The following ADGRA3 variants were observed in gnomAD, a reference collection of about 807,000 sequenced individuals.
ADGRA3 encodes the protein G-protein coupled receptor 125.
In ADGRA3, 56 loss-of-function variants were observed where a neutral mutation model predicts 119.8. That is an observed-to-expected ratio of 0.47 (90% CI 0.38 to 0.58). The LOEUF is 0.58. Among genes scored for constraint, ADGRA3 ranks in the 20% least tolerant of loss-of-function variants. The pLI is 0.00. For missense variants in ADGRA3, 1,516 were observed against 1,649.0 expected (o/e 0.92, Z 1.40); for synonymous variants, 607 against 623.8 (o/e 0.97, Z 0.40).
At position 22,466,416 on chromosome 4, in the gene ADGRA3, A is replaced by G. The variant is rs148795833; in HGVS notation, c.330-4608T>C. On this transcript the variant is annotated intron_variant, in intron 2 of 18. Transcript: ENST00000334304. ...TCCTTGAGGCCTTGGGTGAAACTCC[A>G]TTCCTTCCTCCAGAAAAATACCTGT... Among the ~76,000 whole-genome samples, 18 of 152,148 alleles carry G rather than the reference A, an allele frequency of 1.2e-4. No individual in the cohort carries two copies. In the East Asian group the frequency reaches 3.5e-3, roughly 29 times the overall value.
At chr4:22,513,605 G>C (rs902686459) in intron 1 of ADGRA3, among the ~76,000 whole-genome samples, 1 of 150,268 alleles carries the variant, frequency 6.7e-6, no homozygotes, top group Non-Finnish European at 1.5e-5. Context: ...TCCACCTCTC[G>C]GGTTCAAGTG....
At chr4:22,451,611 T>TAAA (rs200795126) in intron 4 of ADGRA3, among the ~76,000 whole-genome samples, 14 of 149,704 alleles carry the variant, frequency 9.4e-5, no homozygotes, top group African/African-American at 2.4e-4. Context: ...TTGTTTTTTC[T>TAAA]AAAAAAAAAA....
chr4:22,401,333 G>C (rs1051179511), intron 16 of ADGRA3, 98 bp downstream of exon 16: 4 of 1,068,654 alleles, frequency 3.7e-6, no homozygotes, highest in Non-Finnish European at 5.3e-6. Flanking sequence ...ATCAGTTAAA[G>C]AAAAGGTATT....
At chr4:22,419,624 A>T (rs1715568268) in intron 12 of ADGRA3, among the ~76,000 whole-genome samples, 1 of 152,178 alleles carries the variant, frequency 6.6e-6, no homozygotes, top group Non-Finnish European at 1.5e-5. Context: ...GTCATTTTTA[A>T]TCCCTTTCTA....
intron 10 of ADGRA3, among the ~76,000 whole-genome samples, chr4:22,425,465 C>T (rs1715892721): frequency 6.6e-6 from 1 of 152,226 alleles, no homozygotes; most frequent in South Asian, 2.1e-4. Context: ...TAAATTGAAC[C>T]GTCTAGGGCT....
chr4:22,388,556 T>C lies in ADGRA3; in HGVS notation c.3115A>G (p.Ser1039Gly). 1 of 1,614,012 alleles carries C rather than the reference T, an allele frequency of 6.2e-7. No individual in the cohort carries two copies. Among genetic ancestry groups the C allele is most frequent in the South Asian group, 1.1e-5 (1 of 91,068 alleles). Residue 1039 changes from serine to glycine, a missense_variant, in exon 19 of 19, where the codon AGT (serine) becomes GGT (glycine). By Grantham distance (56) the Ser-to-Gly change is moderately conservative. Coordinates refer to ENST00000334304, the MANE Select transcript of ADGRA3 (RefSeq NM_145290.4). Reference protein sequence around the residue: ...FVFGATSLSFSAFFVVHHCVN... With the variant: ...FVFGATSLSFGAFFVVHHCVN... The stretch of plus-strand genomic sequence containing the variant: ...CAATGGTGGACCACGAAGAACGCAC[T>C]GAAGCTTAAACTTGTGGCTCCAAAA...
rs769240184 is a variant in ADGRA3 at position 22,473,783 on chromosome 4, G to A, written c.318C>T (p.Leu106=). 3 of 1,594,004 alleles carry A rather than the reference G, an allele frequency of 1.9e-6. No individual in the cohort carries two copies. Among genetic ancestry groups the A allele is most frequent in the Non-Finnish European group, 2.6e-6 (3 of 1,166,328 alleles). The part of the protein sequence containing the change: ...LKNGSFSGLS[L]LERLDLRNNL... Reference sequence around the variant, plus strand: ...TAAAGAATACTCACAATCTTTCAAGGAGACTTAACCCAGAAAATGAGCCAT... The same window carrying A: ...TAAAGAATACTCACAATCTTTCAAGAAGACTTAACCCAGAAAATGAGCCAT... The change falls in exon 2 of 19, where the codon CTC becomes CTT. Residue 106 remains leucine, a synonymous_variant. Transcript: ENST00000334304.
At position 22,515,529 on chromosome 4, in the gene ADGRA3, G is replaced by C; in HGVS notation, c.256C>G (p.Leu86Val). 6.3e-7 allele frequency: 1 copy of C among 1,593,254 alleles called. No homozygotes were observed. The highest frequency in any genetic ancestry group is 1.3e-5 in the African/African-American group (1 of 74,270). The change falls in exon 1 of 19, where the codon CTG becomes GTG. Residue 86 changes from leucine to valine, a missense_variant and splice_region_variant. Around this residue, in one of 2 missense-constraint regions of ADGRA3, gnomAD observed 428 missense variants for 541.9 expected, o/e 0.79. Transcript: ENST00000334304. ...CCCAGCGTCGCGGGAGATACTCACAGGGTGACCGTGCGGTTGGGCAGAGTA... is the reference window on the plus strand; with the variant it reads ...CCCAGCGTCGCGGGAGATACTCACACGGTGACCGTGCGGTTGGGCAGAGTA... Reference protein sequence around the residue: ...PDTLPNRTVTLILSNNKISEL... With the variant: ...PDTLPNRTVTVILSNNKISEL...
At chr4:22,470,116 T>C (rs578134852) in intron 2 of ADGRA3, among the ~76,000 whole-genome samples, 9 of 152,306 alleles carry the variant, frequency 5.9e-5, no homozygotes, top group Admixed American at 3.3e-4. Context: ...GCACCAAACC[T>C]TCATATTAAG....
chr4:22,406,332 T>A (rs1320776343), intron 14 of ADGRA3, among the ~76,000 whole-genome samples: 1 of 152,230 alleles, frequency 6.6e-6, no homozygotes, highest in South Asian at 2.1e-4. Flanking sequence ...CTTCTGAATA[T>A]ATACTCAGCA....
intron 2 of ADGRA3, among the ~76,000 whole-genome samples, chr4:22,470,196 T>C (rs756242358): frequency 5.3e-5 from 8 of 151,906 alleles, no homozygotes; most frequent in Non-Finnish European, 1.0e-4. Context: ...CTGCATAGAC[T>C]TCTAAAATAA....
Position 22,434,754 on chromosome 4 carries a change from C to T in ADGRA3, c.1443+557G>A, listed in dbSNP as rs763658366. ...TTTCCCCTAAAAGATATCATGTGGA[C>T]AAGCATATCATGGTTTCAATGTGGT... is the stretch of plus-strand genomic sequence containing the variant. On this transcript the variant is annotated intron_variant, in intron 10 of 18. Coordinates refer to ENST00000334304, the MANE Select transcript of ADGRA3 (RefSeq NM_145290.4). 4.4e-4 allele frequency among the ~76,000 whole-genome samples: 67 copies of T among 152,110 alleles called. 1 individual carries two copies. The highest frequency in any genetic ancestry group is 5.1e-4 in the Non-Finnish European group (35 of 68,018).
chr4:22,492,000 G>A (rs1718638919), intron 1 of ADGRA3, among the ~76,000 whole-genome samples: 1 of 152,264 alleles, frequency 6.6e-6, no homozygotes. Flanking sequence ...ATAAAAGCAG[G>A]CACGGTTGGG....
At chr4:22,470,668 G>A (rs1418143003) in intron 2 of ADGRA3, among the ~76,000 whole-genome samples, 2 of 152,150 alleles carry the variant, frequency 1.3e-5, no homozygotes, top group Admixed American at 6.6e-5. Flanking sequence ...TCTCTAACTA[G>A]GCAAATCTGA....
chr4:22,388,656 T>C lies in ADGRA3; in HGVS notation c.3015A>G (p.Leu1005=), dbSNP rs75549491. ...QLLGASLTLL[L]YVALWMFGAL... is the part of the protein sequence containing the mutation. The stretch of plus-strand genomic sequence containing the variant: ...CCCCAAACATCCACAGTGCAACATA[T>C]AAGAGCAAAGTAAGGCTGGCCCCCA... Residue 1005 remains leucine, a synonymous_variant, in exon 19 of 19, where the codon TTA becomes TTG. Transcript: ENST00000334304. The C allele has an allele frequency of 3.8e-4, 618 of 1,613,916 alleles. 5 individuals carry two copies. In the African/African-American group the frequency reaches 7.6e-3, roughly 20 times the overall value.
intron 1 of ADGRA3, among the ~76,000 whole-genome samples, chr4:22,507,975 G>A (rs1036997486): frequency 6.6e-5 from 10 of 152,132 alleles, no homozygotes; most frequent in African/African-American, 1.2e-4. Flanking sequence ...GTAAACATAC[G>A]AATTTGCATC....
intron 2 of ADGRA3, among the ~76,000 whole-genome samples, 160 bp from the exon 3 acceptor site, chr4:22,461,968 G>T (rs970772508): frequency 6.6e-6 from 1 of 152,128 alleles, no homozygotes; most frequent in Non-Finnish European, 1.5e-5. Flanking sequence ...TAGTAAAAGG[G>T]AGAGTCAGAA....
intron 10 of ADGRA3, among the ~76,000 whole-genome samples, chr4:22,425,868 G>T (rs1337178318): frequency 6.6e-6 from 1 of 152,086 alleles, no homozygotes; most frequent in Non-Finnish European, 1.5e-5. Flanking sequence ...GGAACCACGG[G>T]GTGAAGCAAC....
intron 1 of ADGRA3, among the ~76,000 whole-genome samples, chr4:22,491,031 G>A (rs746494304): frequency 3.9e-5 from 6 of 152,154 alleles, no homozygotes; most frequent in Non-Finnish European, 5.9e-5. Flanking sequence ...CAAGTGGTCA[G>A]AAAAAGACAG....
Sources: gnomAD v4.1 joint callset for allele counts (sites outside exome capture counted in the v4.1 genomes callset) on GRCh38, gnomAD v4.1.1 for gene constraint, gnomAD v4.1.1 regional missense constraint, MANE v1.5 for transcripts, NCBI Gene and HGNC (gene_info 2026-07-23, HGNC 2026-07-21) for gene names.